ERAP1: variants seen among roughly 807,000 people sequenced by gnomAD.
ERAP1 encodes the protein adipocyte-derived leucine aminopeptidase.
In ERAP1, 86 loss-of-function variants were observed where a neutral mutation model predicts 103.7. That is an observed-to-expected ratio of 0.83 (90% CI 0.70 to 0.99). ERAP1 has a LOEUF of 0.99. ERAP1 is among the 50% of genes least tolerant of loss of function. The pLI, the probability that ERAP1 is intolerant of heterozygous loss-of-function variation, is 0.00. For synonymous variants in ERAP1, 398 were observed against 402.4 expected (o/e 0.99, Z 0.13); for missense variants, 1,009 against 1,128.4 (o/e 0.89, Z 1.52).
At chr5:96,931,048 G>A in the ERAP1 span, among the ~76,000 whole-genome samples, 1 of 152,156 alleles carries the variant, frequency 6.6e-6, no homozygotes, top group South Asian at 2.1e-4. Context: ...GCTATCTTGA[G>A]TAATGGGCAG....
chr5:96,898,790 C>G, the ERAP1 span, among the ~76,000 whole-genome samples: 2 of 151,864 alleles, frequency 1.3e-5, no homozygotes, highest in Non-Finnish European at 2.9e-5. Context: ...ATGCTCTTTA[C>G]TATCCATTTC....
the ERAP1 span, chr5:96,909,260 A>G: frequency 9.3e-6 from 7 of 754,624 alleles, no homozygotes; most frequent in Non-Finnish European, 1.5e-5. Context: ...ATGGTCAATG[A>G]CCCTTGTTCT....
chr5:96,832,364 G>A, the ERAP1 span, among the ~76,000 whole-genome samples: 1 of 152,276 alleles, frequency 6.6e-6, no homozygotes, highest in East Asian at 1.9e-4. Context: ...TTAATAAAAT[G>A]TTATTAAATC....
the ERAP1 span, chr5:96,912,899 G>C: frequency 2.2e-6 from 2 of 900,528 alleles, no homozygotes; most frequent in Non-Finnish European, 3.3e-6. Flanking sequence ...TAAGATAATT[G>C]AATCAGAATG....
the ERAP1 span, among the ~76,000 whole-genome samples, chr5:96,901,125 C>A: frequency 6.6e-6 from 1 of 152,122 alleles, no homozygotes; most frequent in African/African-American, 2.4e-5. Context: ...ACAGATATTT[C>A]CCTCGTAAAC....
At position 96,785,844 on chromosome 5, in the gene ERAP1, T is replaced by C. The variant is rs1341274999; in HGVS notation, c.1887A>G (p.Thr629=). The C allele has an allele frequency of 1.2e-6, 2 of 1,614,126 alleles. No individual in the cohort carries two copies. The highest frequency in any genetic ancestry group is 1.7e-5 in the Admixed American group (1 of 60,034). ...TCGCCCGATCATTACTGCTGACTGC[T>C]GTGTGTGTTCCTTTTAAAAGGCCAG... ...SLTGLLKGTH[T]AVSSNDRASL... Residue 629 remains threonine, a synonymous_variant, in exon 13 of 19, where the codon ACA becomes ACG. Transcript: ENST00000443439.
the ERAP1 span, among the ~76,000 whole-genome samples, chr5:96,819,922 G>T: frequency 6.6e-6 from 1 of 152,216 alleles, no homozygotes; most frequent in African/African-American, 2.4e-5. Flanking sequence ...TGACCTGAAG[G>T]TCTAGCACTT....
rs1774052667 is a variant in ERAP1, at chr5:96,775,476, C to CTT, written c.*918_*919dup. 2.0e-6 allele frequency: 2 copies of CTT among 985,558 alleles called. No homozygotes were observed. The highest frequency in any genetic ancestry group is 2.4e-6 in the Non-Finnish European group (2 of 829,940). 61.1% of individuals were successfully genotyped at this position (985,558 alleles called of 1,614,324 possible). A position where few individuals can be genotyped will look rare whatever the true frequency, so the allele number is the denominator to read the frequency against. On this transcript the variant is annotated 3_prime_UTR_variant, in exon 19 of 19. Transcript: ENST00000443439. ...CCTAAGAAAAGGGTTTTCCTACAGACTTGAATGCACTCTGCTTTTTCAGAA... is the reference window on the plus strand; with the variant it reads ...CCTAAGAAAAGGGTTTTCCTACAGACTTTTGAATGCACTCTGCTTTTTCAGAA...
chr5:96,872,004 A>T, the ERAP1 span, among the ~76,000 whole-genome samples: 2 of 152,186 alleles, frequency 1.3e-5, no homozygotes, highest in Non-Finnish European at 2.9e-5. Flanking sequence ...ATACTAACAT[A>T]AACTTTCACT....
At chr5:96,922,629 C>T in the ERAP1 span, among the ~76,000 whole-genome samples, 1 of 152,184 alleles carries the variant, frequency 6.6e-6, no homozygotes, top group Non-Finnish European at 1.5e-5. Flanking sequence ...TGGTTTGAAA[C>T]AATTGTGCAC....
intron 4 of ERAP1, among the ~76,000 whole-genome samples, chr5:96,796,102 G>A (rs886439874): frequency 1.3e-4 from 20 of 152,106 alleles, no homozygotes; most frequent in Admixed American, 6.5e-5. Flanking sequence ...AGTCTCAAGC[G>A]TCACCTTCAA....
intron 1 of ERAP1, among the ~76,000 whole-genome samples, chr5:96,806,635 T>C: frequency 1.4e-5 from 2 of 144,116 alleles, no homozygotes; most frequent in Admixed American, 6.8e-5. Flanking sequence ...TTTTTTTTTT[T>C]TTTTTTTTTT....
intron 19 of ERAP1, chr5:96,763,312 T>A: frequency 3.9e-6 from 3 of 777,662 alleles, no homozygotes; most frequent in Non-Finnish European, 7.2e-6. Flanking sequence ...TCCTGGATTA[T>A]AATAAAGCAC....
At chr5:96,909,049 A>G in the ERAP1 span, 1 of 1,614,164 alleles carries the variant, frequency 6.2e-7, no homozygotes. Flanking sequence ...CGAAGGTCTG[A>G]GTTACTTGGA....
chr5:96,815,407 G>GTTTTTTTTTTTTTTTTTTTTTTTTTT, the ERAP1 span, among the ~76,000 whole-genome samples: 6 of 105,494 alleles, frequency 5.7e-5, 2 homozygotes, highest in Admixed American at 9.1e-5. Context: ...TGTTTGTTTT[G>GTTTTTTTTTTTTTTTTTTTTTTTTTT]TTTTTTATTT....
the ERAP1 span, among the ~76,000 whole-genome samples, chr5:96,815,568 C>T: frequency 1.3e-5 from 2 of 151,944 alleles, no homozygotes; most frequent in African/African-American, 4.8e-5. Context: ...TGCGCCACCA[C>T]ATCCGGCTAA....
intron 19 of ERAP1, chr5:96,768,399 C>T (rs1055050895): frequency 2.2e-5 from 10 of 456,534 alleles, no homozygotes; most frequent in African/African-American, 4.0e-5. Flanking sequence ...AATTTTTAAA[C>T]TGTAGAATGA....
At chr5:96,900,638 A>C in the ERAP1 span, among the ~76,000 whole-genome samples, 351 of 152,278 alleles carry the variant, frequency 2.3e-3, 1 homozygote, top group Non-Finnish European at 3.7e-3. Context: ...TTATTTAAAC[A>C]AAGAGTCATG....
At chr5:96,803,064 T>C (rs26497) in intron 2 of ERAP1, among the ~76,000 whole-genome samples, 111,996 of 151,946 alleles carry the variant, frequency 0.74, 41,679 homozygotes, top group Non-Finnish European at 0.79. Context: ...TGTTTATAGC[T>C]ACCCAGTCTG....
Sources: allele counts gnomAD v4.1 joint callset (sites outside exome capture counted in the v4.1 genomes callset), GRCh38; gene constraint gnomAD v4.1.1; transcripts MANE v1.5; gene names NCBI Gene and HGNC (gene_info 2026-07-23, HGNC 2026-07-21).